SLC16A4: variants seen among roughly 807,000 people sequenced by gnomAD.
SLC16A4 encodes probable monocarboxylate transporter 5.
Under a neutral mutation model 47.9 loss-of-function variants are expected in SLC16A4, and 39 were observed. The observed-to-expected ratio is 0.81, with a 90% CI of 0.63 to 1.06. SLC16A4 has a LOEUF of 1.06. SLC16A4 is among the 50% of genes least tolerant of loss of function. The probability of loss-of-function intolerance (pLI) is 0.00; values close to 1 mark genes in which losing one functional copy is unlikely to be tolerated. For synonymous variants in SLC16A4, 189 were observed against 199.9 expected (o/e 0.95, Z 0.46); for missense variants, 524 against 573.8 (o/e 0.91, Z 0.89).
At chr1:110,375,971 C>A (rs560029641) in intron 7 of SLC16A4, among the ~76,000 whole-genome samples, 1 of 152,186 alleles carries the variant, frequency 6.6e-6, no homozygotes, top group South Asian at 2.1e-4. Flanking sequence ...CCTCCACCTC[C>A]CAGGCTCAAG....
chr1:110,372,385 C>T (rs1219660121), intron 8 of SLC16A4: 1 of 152,136 alleles, frequency 6.6e-6, no homozygotes, highest in African/African-American at 2.4e-5. Context: ...TTCTGAAGAT[C>T]TAAGTTTGGT....
chr1:110,387,903 A>G (rs1001804716), intron 2 of SLC16A4, among the ~76,000 whole-genome samples: 4 of 89,764 alleles, frequency 4.5e-5, no homozygotes, highest in Admixed American at 1.2e-4. Context: ...TTTGTATTAC[A>G]TAAATCCTGG....
At chr1:110,380,898 A>G in intron 5 of SLC16A4, 84 bp downstream of exon 5, 1 of 1,226,430 alleles carries the variant, frequency 8.2e-7, no homozygotes, top group Non-Finnish European at 1.2e-6. Context: ...TTGCTCTGAA[A>G]GTCTTAACTT....
At chr1:110,372,396 T>A (rs2101004530) in intron 8 of SLC16A4, 1 of 152,346 alleles carries the variant, frequency 6.6e-6, no homozygotes, top group East Asian at 1.9e-4. Context: ...TAAGTTTGGT[T>A]GAGAATTTAA....
chr1:110,387,637 A>C (rs567505826), intron 2 of SLC16A4, among the ~76,000 whole-genome samples: 23 of 152,282 alleles, frequency 1.5e-4, no homozygotes, highest in African/African-American at 4.3e-4. Flanking sequence ...TTGATCAAAA[A>C]CCATTCTATC....
rs1236565052 is a variant in SLC16A4 at position 110,389,320 on chromosome 1, G to A, written c.4C>T (p.Leu2=). 3.7e-6 allele frequency: 6 copies of A among 1,607,122 alleles called. No individual in the cohort carries two copies. The African/African-American group carries it at 8.0e-5, about 21-fold the overall frequency. Residue 2 remains leucine (L), a synonymous_variant, in exon 2 of 9, where the codon CTG becomes TTG. Coordinates refer to ENST00000369779, the MANE Select transcript of SLC16A4 (RefSeq NM_004696.3). M[L]KREGKVQPYT... ...GGTTGGACCTTCCCCTCCCTCTTCA[G>A]CATGATGCCTCTTCTATTTTAAATG... is the stretch of plus-strand genomic sequence containing the variant.
At chr1:110,366,414 C>T (rs1017893916) in intron 8 of SLC16A4, among the ~76,000 whole-genome samples, 2 of 152,246 alleles carry the variant, frequency 1.3e-5, no homozygotes, top group Admixed American at 1.3e-4. Flanking sequence ...CCTGCCTCAG[C>T]CTTCTAAAGT....
At chr1:110,383,377 G>A (rs1344586600) in intron 2 of SLC16A4, among the ~76,000 whole-genome samples, 2 of 152,138 alleles carry the variant, frequency 1.3e-5, no homozygotes, top group Admixed American at 1.3e-4. Flanking sequence ...CAGTTTCCCC[G>A]AGCTTTTGGG....
Position 110,381,809 on chromosome 1 carries a change from A to G in SLC16A4, c.221-14T>C. 6.2e-7 allele frequency: 1 copy of G among 1,607,130 alleles called. No individual in the cohort carries two copies. Among genetic ancestry groups the G allele is most frequent in the East Asian group, 2.2e-5 (1 of 44,760 alleles). ...CAACCAGGGGACCTTAAGAGAAGAA[A>G]GAAAGGCAATTCTTAGGTAAATAAT... On this transcript the variant is annotated splice_polypyrimidine_tract_variant and intron_variant, in intron 3 of 8. Transcript: ENST00000369779.
chr1:110,379,218 G>A lies in SLC16A4; in HGVS notation c.665C>T (p.Ala222Val). The part of the protein sequence containing the change: ...GSSLSAHGPE[A>V]HATETHCHET... ...ATGGCAGTGTGTTTCTGTTGCATGT[G>A]CCTCTGGACCATGTGCAGACAAACT... The change falls in exon 6 of 9, where the codon GCA (alanine) becomes GTA (valine). Residue 222 changes from alanine to valine, a missense_variant. By Grantham distance (64) the Ala-to-Val change is moderately conservative (BLOSUM62 0). Transcript: ENST00000369779. 1 of 1,614,160 alleles carries A rather than the reference G, an allele frequency of 6.2e-7. No homozygotes were observed. Among genetic ancestry groups the A allele is most frequent in the South Asian group, 1.1e-5 (1 of 91,080 alleles).
At chr1:110,375,375 C>G in intron 8 of SLC16A4, 83 bp downstream of exon 8, 1 of 802,232 alleles carries the variant, frequency 1.2e-6, no homozygotes, top group Middle Eastern at 2.3e-4. Flanking sequence ...CTGATACCAT[C>G]ATTACATGTT....
At chr1:110,387,532 G>A (rs1662797264) in intron 2 of SLC16A4, among the ~76,000 whole-genome samples, 1 of 152,174 alleles carries the variant, frequency 6.6e-6, no homozygotes. Flanking sequence ...AGGATCCAGT[G>A]CATTTTTTGT....
chr1:110,382,282 A>C lies in SLC16A4; in HGVS notation c.221-487T>G, dbSNP rs368469823. Reference sequence around the variant, plus strand: ...GAGACCAGCCTGGCCAACATGGTGAAACCCCATCTCTACTAAAAATACAAA... The same window carrying C: ...GAGACCAGCCTGGCCAACATGGTGACACCCCATCTCTACTAAAAATACAAA... On this transcript the variant is annotated intron_variant, in intron 3 of 8. Coordinates refer to ENST00000369779, the MANE Select transcript of SLC16A4 (RefSeq NM_004696.3). 5.0e-4 allele frequency among the ~76,000 whole-genome samples: 76 copies of C among 152,272 alleles called. No homozygotes were observed. In the South Asian group the frequency reaches 0.014, roughly 28 times the overall value.
intron 2 of SLC16A4, among the ~76,000 whole-genome samples, chr1:110,384,736 C>T (rs576167137): frequency 1.3e-5 from 2 of 152,288 alleles, no homozygotes; most frequent in African/African-American, 4.8e-5. Context: ...ACCAGCTGGG[C>T]ATGGAGGCTC....
chr1:110,378,738 G>T, intron 6 of SLC16A4, 115 bp downstream of exon 6: 1 of 1,352,416 alleles, frequency 7.4e-7, no homozygotes, highest in Non-Finnish European at 1.0e-6. Flanking sequence ...TACTTTCTCT[G>T]GCCCTTCTAC....
intron 2 of SLC16A4, among the ~76,000 whole-genome samples, chr1:110,385,576 G>A (rs2101069518): frequency 6.6e-6 from 1 of 152,058 alleles, no homozygotes; most frequent in East Asian, 1.9e-4. Context: ...ATTCATTTGA[G>A]TGACAGATGT....
intron 4 of SLC16A4, 57 bp downstream of exon 4, chr1:110,381,595 A>T: frequency 6.4e-7 from 1 of 1,566,204 alleles, no homozygotes; most frequent in Non-Finnish European, 8.7e-7. Flanking sequence ...TGCTAGGATT[A>T]CAAGTGTGAG....
At position 110,363,578 on chromosome 1, in the gene SLC16A4, A is replaced by T. The variant is rs905184888; in HGVS notation, c.*188T>A. The T allele has an allele frequency of 1.2e-5, 5 of 401,676 alleles. No homozygotes were observed. Among genetic ancestry groups the T allele is most frequent in the Non-Finnish European group, 1.7e-5 (4 of 237,874 alleles). The allele number at this position is 401,676 out of a possible 1,614,324, so 24.9% of individuals were successfully genotyped here. A position where few individuals can be genotyped will look rare whatever the true frequency, so the allele number is the denominator to read the frequency against. On this transcript the variant is annotated 3_prime_UTR_variant, in exon 9 of 9. Coordinates refer to ENST00000369779, the MANE Select transcript of SLC16A4 (RefSeq NM_004696.3). ...GAGGCGGAGATTACAGTGAGCCGAG[A>T]TTGCGCCACTGCACTCCAGCCTGGG...
intron 8 of SLC16A4, among the ~76,000 whole-genome samples, chr1:110,373,287 G>T (rs1268472038): frequency 6.6e-6 from 1 of 151,962 alleles, no homozygotes; most frequent in Non-Finnish European, 1.5e-5. Flanking sequence ...TGTACTTTTG[G>T]CCCAATAGGC....
Sources: allele counts gnomAD v4.1 joint callset (sites outside exome capture counted in the v4.1 genomes callset), GRCh38; gene constraint gnomAD v4.1.1; transcripts MANE v1.5; gene names NCBI Gene and HGNC (gene_info 2026-07-23, HGNC 2026-07-21).